SGCZ: variants seen among roughly 807,000 people sequenced by gnomAD.
The protein encoded by SGCZ is sarcoglycan zeta, also known as zeta-sarcoglycan.
SGCZ carries 40 observed loss-of-function variants against 41.3 expected under a neutral mutation model. The ratio of observed to expected loss-of-function variants is 0.97; its 90% CI spans 0.75 to 1.26. SGCZ has a LOEUF of 1.26. Ranked by LOEUF, SGCZ falls within the 50% of genes most tolerant of loss-of-function variation. The pLI, the probability that SGCZ is intolerant of heterozygous loss-of-function variation, is 0.00. For synonymous variants in SGCZ, 206 were observed against 137.5 expected, an observed-to-expected ratio of 1.50 and a Z score of -3.49; for missense variants, 552 against 369.8, an observed-to-expected ratio of 1.49 and a Z score of -4.04.
intron 1 of SGCZ, among the ~76,000 whole-genome samples, chr8:14,982,027 G>C (rs559906453): frequency 1.3e-5 from 2 of 152,084 alleles, no homozygotes; most frequent in African/African-American, 4.8e-5. Context: ...GCTCATGCCT[G>C]TAATACCAGC....
chr8:14,559,237 A>G (rs1409856348), intron 1 of SGCZ, among the ~76,000 whole-genome samples: 1 of 151,840 alleles, frequency 6.6e-6, no homozygotes, highest in South Asian at 2.1e-4. Context: ...AACCCTAAAG[A>G]CCCCTCCAAA....
At position 14,129,157 on chromosome 8, in the gene SGCZ, G is replaced by A. The variant is rs151084991; in HGVS notation, c.548-20922C>T. On this transcript the variant is annotated intron_variant, in intron 5 of 7. Transcript: ENST00000382080. Reference sequence around the variant, plus strand: ...AGGTCAGGAGTTCAAGACCACCCTGGCCAACATGGTGAAACCCCTCTCTAC... The same window carrying A: ...AGGTCAGGAGTTCAAGACCACCCTGACCAACATGGTGAAACCCCTCTCTAC... 6.2e-3 allele frequency among the ~76,000 whole-genome samples: 937 copies of A among 151,478 alleles called. 6 individuals carry two copies. Among genetic ancestry groups the A allele is most frequent in the African/African-American group, 0.022 (891 of 41,346 alleles).
chr8:14,270,932 C>A (rs977073880), intron 3 of SGCZ, among the ~76,000 whole-genome samples: 1 of 152,126 alleles, frequency 6.6e-6, no homozygotes, highest in Admixed American at 6.5e-5. Flanking sequence ...TCATTCTCTG[C>A]AAACTATCCC....
At position 14,975,789 on chromosome 8, in the gene SGCZ, T is replaced by TTTTA. The variant is rs757234349; in HGVS notation, c.39+261795_39+261796insTAAA. On this transcript the variant is annotated intron_variant, in intron 1 of 7. Coordinates refer to ENST00000382080, the MANE Select transcript of SGCZ (RefSeq NM_139167.4). ...TCTGTAACTCCACTTTTTTCCACTT[T>TTTTA]TATATATATATATATATATATGTGT... Among the ~76,000 whole-genome samples the TTTTA allele has an allele frequency of 2.1e-3, 263 of 125,422 alleles. 3 individuals are homozygous for TTTTA. Among genetic ancestry groups the TTTTA allele is most frequent in the Middle Eastern group, 0.02 (5 of 250 alleles). The allele number at this position is 125,422 out of a possible 152,430, so 82.3% of individuals were successfully genotyped here.
intron 1 of SGCZ, among the ~76,000 whole-genome samples, chr8:14,815,809 T>A (rs1488292353): frequency 6.6e-6 from 1 of 152,222 alleles, no homozygotes; most frequent in Non-Finnish European, 1.5e-5. Context: ...TATTATGGAA[T>A]AAAACTGATG....
chr8:14,250,898 G>A (rs566267760), intron 3 of SGCZ, among the ~76,000 whole-genome samples: 207 of 152,110 alleles, frequency 1.4e-3, no homozygotes, highest in African/African-American at 4.7e-3. Flanking sequence ...CTGATATACC[G>A]CCAGATAATT....
intron 1 of SGCZ, among the ~76,000 whole-genome samples, chr8:15,077,287 T>A (rs1206728791): frequency 1.2e-4 from 18 of 152,198 alleles, no homozygotes; most frequent in Non-Finnish European, 1.5e-5. Context: ...CCAGGTAAAT[T>A]GACCTATTAA....
chr8:14,851,519 C>A (rs897993906), intron 1 of SGCZ, among the ~76,000 whole-genome samples: 3 of 151,834 alleles, frequency 2.0e-5, no homozygotes, highest in Admixed American at 6.6e-5. Flanking sequence ...AAAAGACTAT[C>A]AAAGATTTAT....
At chr8:14,346,444 A>G (rs372881050) in intron 2 of SGCZ, among the ~76,000 whole-genome samples, 2 of 152,184 alleles carry the variant, frequency 1.3e-5, no homozygotes, top group East Asian at 3.9e-4. Context: ...ACATAATAAA[A>G]TGGTGAAAAA....
intron 1 of SGCZ, among the ~76,000 whole-genome samples, chr8:15,168,487 A>T (rs1799729577): frequency 6.6e-6 from 1 of 152,036 alleles, no homozygotes; most frequent in Non-Finnish European, 1.5e-5. Context: ...CCCTTGCTTC[A>T]TGGGCGTGAG....
chr8:14,439,313 A>G (rs1800179927), intron 2 of SGCZ, among the ~76,000 whole-genome samples: 1 of 146,314 alleles, frequency 6.8e-6, no homozygotes, highest in Non-Finnish European at 1.5e-5. Flanking sequence ...AGAAAGAAAT[A>G]TATATATATA....
chr8:14,394,135 C>CA (rs1289555700), intron 2 of SGCZ, among the ~76,000 whole-genome samples: 3 of 125,876 alleles, frequency 2.4e-5, no homozygotes, highest in African/African-American at 1.5e-4. Context: ...TGCCCTACCG[C>CA]CCCCCACCTT....
intron 1 of SGCZ, among the ~76,000 whole-genome samples, chr8:14,860,534 G>T (rs1220534253): frequency 7.5e-6 from 1 of 133,082 alleles, no homozygotes; most frequent in African/African-American, 2.8e-5. Flanking sequence ...AAGAAGGAAA[G>T]AATGAAAGAA....
chr8:14,347,318 CAAT>C, intron 2 of SGCZ, among the ~76,000 whole-genome samples: 1 of 152,160 alleles, frequency 6.6e-6, no homozygotes, highest in African/African-American at 2.4e-5. Context: ...AGGATTCCTA[CAAT>C]AATTTGCTAC....
intron 1 of SGCZ, among the ~76,000 whole-genome samples, chr8:14,732,431 A>G (rs1301963239): frequency 2.6e-5 from 4 of 152,188 alleles, no homozygotes; most frequent in African/African-American, 9.6e-5. Flanking sequence ...AAAACAGATG[A>G]CTGGTTCTGT....
intron 3 of SGCZ, among the ~76,000 whole-genome samples, chr8:14,261,216 A>G (rs866665394): frequency 1.3e-5 from 2 of 152,340 alleles, no homozygotes; most frequent in Middle Eastern, 6.8e-3. Context: ...CTCTTTTGCT[A>G]ATACAGAGAC....
chr8:14,407,704 A>T (rs1799249411), intron 2 of SGCZ, among the ~76,000 whole-genome samples: 1 of 152,178 alleles, frequency 6.6e-6, no homozygotes, highest in Non-Finnish European at 1.5e-5. Flanking sequence ...GTCAATATGA[A>T]TGAGAAGATT....
At chr8:14,209,390 T>C (rs1359370304) in intron 4 of SGCZ, among the ~76,000 whole-genome samples, 2 of 152,018 alleles carry the variant, frequency 1.3e-5, no homozygotes, top group Non-Finnish European at 1.5e-5. Context: ...TCCTTGTGTG[T>C]GTTTTCCTGA....
At chr8:15,107,976 T>C (rs1335414392) in intron 1 of SGCZ, among the ~76,000 whole-genome samples, 1 of 152,194 alleles carries the variant, frequency 6.6e-6, no homozygotes, top group African/African-American at 2.4e-5. Context: ...ACAGTTGTAG[T>C]TATTCTGCTG....
Sources: allele counts gnomAD v4.1 joint callset (sites outside exome capture counted in the v4.1 genomes callset), GRCh38; gene constraint gnomAD v4.1.1; transcripts MANE v1.5; gene names NCBI Gene and HGNC (gene_info 2026-07-23, HGNC 2026-07-21).